Variants in MRPL39 observed in about 807,000 individuals in gnomAD.
The protein encoded by MRPL39 is large ribosomal subunit protein mL39.
MRPL39 carries 35 observed loss-of-function variants against 44.5 expected under a neutral mutation model. The observed-to-expected ratio is 0.79, with a 90% CI of 0.60 to 1.04. The LOEUF (loss-of-function observed/expected upper bound fraction) is 1.04, where lower values mean the gene tolerates loss of function less well. Ranked by LOEUF, MRPL39 falls within the 50% of genes least tolerant of loss-of-function variation. MRPL39 has a pLI of 0.00. For synonymous variants in MRPL39, 139 were observed against 136.1 expected (o/e 1.02, Z -0.15); for missense variants, 433 against 413.5 (o/e 1.05, Z -0.41).
intron 7 of MRPL39, among the ~76,000 whole-genome samples, chr21:25,593,503 A>G (rs558140753): frequency 6.6e-6 from 1 of 152,374 alleles, no homozygotes; most frequent in Non-Finnish European, 1.5e-5. Context: ...TGCTTGAGAA[A>G]GCACATTCTG....
chr21:25,602,361 A>T (rs564213007), intron 3 of MRPL39, among the ~76,000 whole-genome samples: 37 of 152,306 alleles, frequency 2.4e-4, no homozygotes, highest in Non-Finnish European at 4.3e-4. Flanking sequence ...TCTTTGTCTC[A>T]GTTTATTCAT....
chr21:25,607,639 G>A, upstream of MRPL39: 3 of 683,776 alleles, frequency 4.4e-6, no homozygotes, highest in Non-Finnish European at 7.2e-6. Flanking sequence ...CAGTGGCTGA[G>A]ACCCCGAGAC....
intron 8 of MRPL39, 91 bp downstream of exon 8, chr21:25,592,719 TAA>T (rs1201093510): frequency 6.2e-6 from 6 of 961,744 alleles, no homozygotes; most frequent in Non-Finnish European, 7.1e-6. Context: ...TAAGAAAAAT[TAA>T]AAGTTTATAT....
intron 2 of MRPL39, among the ~76,000 whole-genome samples, chr21:25,604,756 C>A (rs1406266891): frequency 6.6e-6 from 1 of 152,198 alleles, no homozygotes; most frequent in African/African-American, 2.4e-5. Context: ...ACTACATAAA[C>A]CCCGTAAAGT....
chr21:25,599,155 T>C (rs1435684120), intron 5 of MRPL39, among the ~76,000 whole-genome samples: 1 of 152,230 alleles, frequency 6.6e-6, no homozygotes, highest in Non-Finnish European at 1.5e-5. Flanking sequence ...TAGACTGTCC[T>C]TGTTAGGCTC....
intron 8 of MRPL39, among the ~76,000 whole-genome samples, 157 bp from the exon 9 acceptor site, chr21:25,589,039 A>T (rs76559092): frequency 0.02 from 3,107 of 152,316 alleles, 112 homozygotes; most frequent in African/African-American, 0.071. Flanking sequence ...TAGCAAAAAA[A>T]GGTGCTACAT....
chr21:25,606,337 T>C (rs1237581555), intron 2 of MRPL39, 112 bp downstream of exon 2: 1 of 941,090 alleles, frequency 1.1e-6, no homozygotes. Flanking sequence ...TATAAAGGGA[T>C]TGCCATGGCC....
Position 25,607,424 on chromosome 21 carries a change from G to T in MRPL39, c.52C>A (p.Pro18Thr). The part of the protein sequence containing the change: ...SRALRLWLVA[P>T]GGGIKWRFIA... The stretch of plus-strand genomic sequence containing the variant: ...TCACTCCATTTGATCCCGCCACCGG[G>T]TGCGACCAGCCAGAGCCGCAGCGCC... Residue 18 changes from proline (P) to threonine (T), a missense_variant, in exon 1 of 10, where the codon CCC becomes ACC. Transcript: ENST00000352957. The T allele has an allele frequency of 6.2e-7, 1 of 1,613,514 alleles. No homozygotes were observed. The highest frequency in any genetic ancestry group is 1.1e-5 in the South Asian group (1 of 91,072).
intron 2 of MRPL39, among the ~76,000 whole-genome samples, chr21:25,605,107 G>C (rs4817036): frequency 0.78 from 118,742 of 152,154 alleles, 46,522 homozygotes; most frequent in Non-Finnish European, 0.82. Context: ...AGTGAGTGTA[G>C]ACTCTCTAGG....
Position 25,585,679 on chromosome 21 carries a change from T to A in MRPL39, c.*28A>T, listed in dbSNP as rs772421481. The A allele has an allele frequency of 1.5e-5, 18 of 1,194,186 alleles. No homozygotes were observed. In the Admixed American group the frequency reaches 3.7e-4, roughly 25 times the overall value. The allele number at this position is 1,194,186 out of a possible 1,614,324, so 74.0% of individuals were successfully genotyped here. The stretch of plus-strand genomic sequence containing the variant: ...CATTATATTTAAAACATTTATTTTA[T>A]TATACATATTTAAATTTTAGAAAGT... On this transcript the variant is annotated 3_prime_UTR_variant, in exon 10 of 10. Transcript: ENST00000352957.
intron 1 of MRPL39, 106 bp downstream of exon 1, chr21:25,607,297 T>C (rs2031711217): frequency 1.6e-6 from 2 of 1,255,788 alleles, no homozygotes; most frequent in Non-Finnish European, 2.3e-6. Context: ...GAAACCCTCC[T>C]CCTTCCTCTG....
intron 6 of MRPL39, among the ~76,000 whole-genome samples, chr21:25,596,100 ATT>A (rs879512644): frequency 4.8e-5 from 7 of 144,716 alleles, no homozygotes; most frequent in African/African-American, 2.5e-5. Flanking sequence ...ATGAGTAAAA[ATT>A]TTTTTTTTTT....
chr21:25,599,661 C>T (rs1394042485), intron 5 of MRPL39, 138 bp downstream of exon 5: 3 of 679,704 alleles, frequency 4.4e-6, no homozygotes, highest in African/African-American at 3.7e-5. Context: ...CAGACAGATA[C>T]ATAGATACAT....
chr21:25,588,062 A>G (rs1220168278), intron 9 of MRPL39, among the ~76,000 whole-genome samples: 9 of 152,204 alleles, frequency 5.9e-5, no homozygotes, highest in Non-Finnish European at 1.5e-5. Context: ...CTGTAATCCC[A>G]GCACCTTGGG....
In MRPL39 at chr21:25,597,477, G is replaced by C. The variant is rs2031396467; in HGVS notation, c.589-63C>G. On this transcript the variant is annotated intron_variant, in intron 5 of 9. Transcript: ENST00000352957. The stretch of plus-strand genomic sequence containing the variant: ...CTGAAAAGCATTTCTCCATAAGCCA[G>C]TTGAAACAAAACTCTATGCTTAGTA... 2.3e-5 allele frequency: 22 copies of C among 938,832 alleles called. No homozygotes were observed. The South Asian group carries it at 3.3e-4, about 14-fold the overall frequency. 58.2% of individuals were successfully genotyped at this position (938,832 alleles called of 1,614,324 possible).
At position 25,607,442 on chromosome 21, in the gene MRPL39, G is replaced by A. The variant is rs780724452; in HGVS notation, c.34C>T (p.Arg12Trp). 2 of 1,613,050 alleles carry A rather than the reference G, an allele frequency of 1.2e-6. No individual in the cohort carries two copies. The highest frequency in any genetic ancestry group is 3.3e-5 in the Admixed American group (2 of 60,018). Residue 12 changes from arginine to tryptophan, a missense_variant, in exon 1 of 10, where the codon CGG becomes TGG. Arg to Trp is a moderately radical substitution (Grantham distance 101, BLOSUM62 -3). Transcript: ENST00000352957. Reference sequence around the variant, plus strand: ...CCACCGGGTGCGACCAGCCAGAGCCGCAGCGCCCGGGAACCCATGGCCAGC... The same window carrying A: ...CCACCGGGTGCGACCAGCCAGAGCCACAGCGCCCGGGAACCCATGGCCAGC... The part of the protein sequence containing the change: ...EALAMGSRAL[R>W]LWLVAPGGGI...
chr21:25,598,099 A>G (rs1254110897), intron 5 of MRPL39, among the ~76,000 whole-genome samples: 1 of 152,178 alleles, frequency 6.6e-6, no homozygotes, highest in African/African-American at 2.4e-5. Context: ...AATTATTTCC[A>G]TAAAAATCCT....
At chr21:25,599,187 C>A (rs572320007) in intron 5 of MRPL39, among the ~76,000 whole-genome samples, 1 of 152,296 alleles carries the variant, frequency 6.6e-6, no homozygotes, top group African/African-American at 2.4e-5. Context: ...AAGTCCCAGA[C>A]CAACAAGGAC....
chr21:25,596,704 T>C (rs2031372770), intron 6 of MRPL39, among the ~76,000 whole-genome samples: 1 of 152,234 alleles, frequency 6.6e-6, no homozygotes, highest in African/African-American at 2.4e-5. Context: ...CAGGTTTCTC[T>C]TTCTAGTTAG....
Sources: allele counts gnomAD v4.1 joint callset (sites outside exome capture counted in the v4.1 genomes callset), GRCh38; gene constraint gnomAD v4.1.1; transcripts MANE v1.5; gene names NCBI Gene and HGNC (gene_info 2026-07-23, HGNC 2026-07-21).